The following XRN2 variants were observed in gnomAD, a reference collection of about 807,000 sequenced individuals.
XRN2 encodes 5'-3' exoribonuclease 2, also known as DHM1-like protein.
A neutral mutation model predicts 138.5 loss-of-function variants in XRN2; 44 were observed. The ratio of observed to expected loss-of-function variants is 0.32; its 90% CI spans 0.25 to 0.41. XRN2 has a LOEUF of 0.41. Among genes scored for constraint, XRN2 ranks in the 10% least tolerant of loss-of-function variants. The probability of loss-of-function intolerance (pLI) is 1.00; values close to 1 mark genes in which losing one functional copy is unlikely to be tolerated. For synonymous variants in XRN2, 354 were observed against 369.4 expected, an observed-to-expected ratio of 0.96 and a Z score of 0.48; for missense variants, 937 against 1,169.3, an observed-to-expected ratio of 0.80 and a Z score of 2.90.
chr20:21,340,976 T>C, intron 15 of XRN2, 124 bp downstream of exon 15: 2 of 1,112,608 alleles, frequency 1.8e-6, no homozygotes, highest in Non-Finnish European at 2.6e-6. Context: ...CTTAATTGCT[T>C]TGCCTTGAGA....
At chr20:21,380,166 G>C (rs1392161107) in intron 27 of XRN2, among the ~76,000 whole-genome samples, 2 of 152,174 alleles carry the variant, frequency 1.3e-5, no homozygotes, top group Non-Finnish European at 2.9e-5. Flanking sequence ...ATGTGAAGTA[G>C]AGGGGTCCGG....
chr20:21,356,032 AG>A lies in XRN2; in HGVS notation c.2021-46del, dbSNP rs1442618079. The A allele has an allele frequency of 2.0e-6, 3 of 1,472,504 alleles. No homozygotes were observed. The Admixed American group carries it at 5.9e-5, about 29-fold the overall frequency. 91.2% of individuals were successfully genotyped at this position (1,472,504 alleles called of 1,614,324 possible). On this transcript the variant is annotated intron_variant, in intron 21 of 29. Coordinates refer to ENST00000377191, the MANE Select transcript of XRN2 (RefSeq NM_012255.5). ...TTATGCTCATAAAAATTGGTCTTGC[AG>A]GTACAATTTTTTTATGTGTAGGTCT... is the stretch of plus-strand genomic sequence containing the variant.
intron 9 of XRN2, 116 bp downstream of exon 9, chr20:21,332,556 A>C: frequency 9.5e-7 from 1 of 1,047,654 alleles, no homozygotes; most frequent in Non-Finnish European, 1.3e-6. Context: ...AATAGCATTA[A>C]ATATTTGAGT....
At chr20:21,339,917 G>A (rs562051370) in intron 14 of XRN2, among the ~76,000 whole-genome samples, 1 of 152,166 alleles carries the variant, frequency 6.6e-6, no homozygotes, top group South Asian at 2.1e-4. Context: ...AGCAATTTCA[G>A]GAAACAAGAA....
rs2038407523 is a variant in XRN2, at chr20:21,344,204, G to C, written c.1525G>C (p.Val509Leu). 1 of 1,611,288 alleles carries C rather than the reference G, an allele frequency of 6.2e-7. No individual in the cohort carries two copies. The highest frequency in any genetic ancestry group is 1.3e-5 in the African/African-American group (1 of 74,858). ...SDSEPEPEDN[V>L]RLWEAGWKQR... ...CAGTGAACCTGAGCCAGAGGATAAT[G>C]TCAGGTGAAGCCATTTTTTGGTAGC... The change falls in exon 16 of 30, where the codon GTC becomes CTC. Residue 509 changes from valine to leucine, a missense_variant. Physicochemically the swap from Val to Leu is conservative, Grantham distance 32. Coordinates refer to ENST00000377191, the MANE Select transcript of XRN2 (RefSeq NM_012255.5).
intron 1 of XRN2, among the ~76,000 whole-genome samples, chr20:21,321,052 G>T (rs2038035295): frequency 6.6e-6 from 1 of 152,078 alleles, no homozygotes; most frequent in Non-Finnish European, 1.5e-5. Flanking sequence ...GTCTCACTCT[G>T]TTGCCCAGGC....
Position 21,316,863 on chromosome 20 carries a change from A to T in XRN2, c.76-9416A>T, listed in dbSNP as rs142687855. On this transcript the variant is annotated intron_variant, in intron 1 of 29. Transcript: ENST00000377191. ...GTATTTCTTTGTTAGATTTAGCCCTAGTTTTTTGATACTATTGTGAGAATG... is the reference window on the plus strand; with the variant it reads ...GTATTTCTTTGTTAGATTTAGCCCTTGTTTTTTGATACTATTGTGAGAATG... Among the ~76,000 whole-genome samples the T allele has an allele frequency of 2.9e-3, 438 of 152,268 alleles. 1 individual carries two copies. The highest frequency in any genetic ancestry group is 0.017 in the Middle Eastern group (5 of 294).
intron 13 of XRN2, among the ~76,000 whole-genome samples, chr20:21,336,919 A>G (rs762360819): frequency 8.5e-5 from 13 of 152,190 alleles, no homozygotes; most frequent in Non-Finnish European, 5.9e-5. Context: ...CACATTACAG[A>G]CAGAGGGAAT....
chr20:21,324,202 A>G lies in XRN2; in HGVS notation c.76-2077A>G, dbSNP rs536684867. Among the ~76,000 whole-genome samples, 449 of 151,966 alleles carry G rather than the reference A, an allele frequency of 3.0e-3. 2 individuals are homozygous for G. Among genetic ancestry groups the G allele is most frequent in the Non-Finnish European group, 5.0e-3 (339 of 67,976 alleles). ...CCACTTATTCCACTCACTGTTCCTG[A>G]TCAAGCCTTTTTTTCTTGATTCACA... is the stretch of plus-strand genomic sequence containing the variant. On this transcript the variant is annotated intron_variant, in intron 1 of 29. Coordinates refer to ENST00000377191, the MANE Select transcript of XRN2 (RefSeq NM_012255.5).
At chr20:21,353,368 G>A (rs564807169) in intron 20 of XRN2, among the ~76,000 whole-genome samples, 2 of 150,160 alleles carry the variant, frequency 1.3e-5, no homozygotes, top group African/African-American at 4.9e-5. Context: ...GCAATTTCCT[G>A]GGTTTTTTTC....
At chr20:21,377,290 C>CTTTTTTTTTTT (rs2038835999) in intron 27 of XRN2, among the ~76,000 whole-genome samples, 1 of 12,834 alleles carries the variant, frequency 7.8e-5, no homozygotes, top group African/African-American at 4.0e-4. Context: ...GTCAGTCTTG[C>CTTTTTTTTTTT]TTTGCCACCC....
chr20:21,310,549 C>T (rs1358290288), intron 1 of XRN2, among the ~76,000 whole-genome samples: 2 of 151,888 alleles, frequency 1.3e-5, no homozygotes, highest in Non-Finnish European at 1.5e-5. Context: ...ATGAAATGAC[C>T]TTCATTATTC....
intron 28 of XRN2, among the ~76,000 whole-genome samples, chr20:21,384,297 A>G (rs1038802960): frequency 2.6e-5 from 4 of 152,136 alleles, no homozygotes; most frequent in Admixed American, 2.0e-4. Context: ...TTTTTTACCT[A>G]TGAGTGTTAA....
At chr20:21,357,409 G>A (rs374576437) in intron 23 of XRN2, among the ~76,000 whole-genome samples, 75 of 152,292 alleles carry the variant, frequency 4.9e-4, no homozygotes, top group African/African-American at 1.8e-3. Context: ...CAGTTTGTGA[G>A]AGATCTTGTT....
chr20:21,341,191 C>T (rs1410211909), intron 15 of XRN2, among the ~76,000 whole-genome samples: 2 of 152,128 alleles, frequency 1.3e-5, no homozygotes, highest in African/African-American at 2.4e-5. Context: ...TCTCCCTTCT[C>T]CAAAGAATAG....
intron 28 of XRN2, among the ~76,000 whole-genome samples, chr20:21,383,614 C>T (rs1353887682): frequency 1.3e-5 from 2 of 152,146 alleles, no homozygotes; most frequent in African/African-American, 2.4e-5. Context: ...AATATAAAGA[C>T]GTAGGGACTT....
intron 27 of XRN2, among the ~76,000 whole-genome samples, chr20:21,372,731 T>C (rs775169562): frequency 3.3e-5 from 5 of 152,198 alleles, no homozygotes; most frequent in Non-Finnish European, 7.3e-5. Context: ...TTTTATGAAA[T>C]AGATATATTC....
Position 21,354,794 on chromosome 20 carries a change from G to T in XRN2, c.1942G>T (p.Ala648Ser), listed in dbSNP as rs760633185. 1.2e-6 allele frequency: 2 copies of T among 1,613,710 alleles called. No homozygotes were observed. The highest frequency in any genetic ancestry group is 1.7e-5 in the Admixed American group (1 of 59,982). Residue 648 changes from alanine to serine, a missense_variant, in exon 21 of 30, where the codon GCT becomes TCT. Around this residue, in one of 6 missense-constraint regions of XRN2, gnomAD observed 372 missense variants for 414.4 expected, o/e 0.90. Transcript: ENST00000377191. ...NGKKYAWQGV[A>S]LLPFVDERRL... ...ATTTGCACTTGTTTTTTCAGGTGTT[G>T]CTCTCTTGCCATTCGTGGATGAGCG...
Position 21,382,018 on chromosome 20 carries a change from G to A in XRN2, c.2609G>A (p.Arg870Gln), listed in dbSNP as rs780184330. 23 of 1,607,232 alleles carry A rather than the reference G, an allele frequency of 1.4e-5. No individual in the cohort carries two copies. The highest frequency in any genetic ancestry group is 1.8e-5 in the Non-Finnish European group (21 of 1,176,244). Residue 870 changes from arginine (R) to glutamine (Q), a missense_variant, in exon 28 of 30, where the codon CGA becomes CAA. Arg to Gln is a conservative substitution (Grantham distance 43). This residue lies in a region of XRN2 where 372 missense variants were observed against 414.4 expected (regional missense o/e 0.90). Coordinates refer to ENST00000377191, the MANE Select transcript of XRN2 (RefSeq NM_012255.5). ...GATATGAGGCCCCAGGATTCCTGGC[G>A]AGGTCCTCCTCCCCTTTTCCAGCAG... ...MSNMRPQDSW[R>Q]GPPPLFQQQR...
Sources: gnomAD v4.1 joint callset for allele counts (sites outside exome capture counted in the v4.1 genomes callset) on GRCh38, gnomAD v4.1.1 for gene constraint, gnomAD v4.1.1 regional missense constraint, MANE v1.5 for transcripts, NCBI Gene and HGNC (gene_info 2026-07-23, HGNC 2026-07-21) for gene names.